The following RPGRIP1 variants were observed in gnomAD, a reference collection of about 807,000 sequenced individuals.
RPGRIP1 encodes RPGR interacting protein 1.
RPGRIP1 carries 128 observed loss-of-function variants against 157.9 expected under a neutral mutation model. The ratio of observed to expected loss-of-function variants is 0.81; its 90% CI spans 0.70 to 0.94. The LOEUF (loss-of-function observed/expected upper bound fraction) is 0.94, where lower values mean the gene tolerates loss of function less well. RPGRIP1 is among the 40% of genes least tolerant of loss of function. The probability of loss-of-function intolerance (pLI) is 0.00; values close to 1 mark genes in which losing one functional copy is unlikely to be tolerated. For missense variants in RPGRIP1, 1,486 were observed against 1,545.8 expected (o/e 0.96, Z 0.65); for synonymous variants, 554 against 571.6 (o/e 0.97, Z 0.44).
chr14:21,339,544 A>G (rs1246262409), intron 21 of RPGRIP1, among the ~76,000 whole-genome samples: 2 of 152,162 alleles, frequency 1.3e-5, no homozygotes, highest in Non-Finnish European at 2.9e-5. Flanking sequence ...TAATGTTATG[A>G]AACATGTATT....
intron 16 of RPGRIP1, 95 bp from the exon 17 acceptor site, chr14:21,325,736 C>G: frequency 1.1e-6 from 1 of 922,646 alleles, no homozygotes; most frequent in Non-Finnish European, 1.6e-6. Context: ...TAGCTGTTCT[C>G]TAGATCATAG....
intron 10 of RPGRIP1, among the ~76,000 whole-genome samples, chr14:21,313,291 T>C (rs1881616443): frequency 6.7e-6 from 1 of 149,316 alleles, no homozygotes; most frequent in Non-Finnish European, 1.5e-5. Context: ...AACTTGCGCC[T>C]AGAAGTTCGA....
chr14:21,304,600 C>T (rs1411170836), intron 6 of RPGRIP1, among the ~76,000 whole-genome samples: 1 of 151,952 alleles, frequency 6.6e-6, no homozygotes, highest in Non-Finnish European at 1.5e-5. Context: ...ATTTTTCAGA[C>T]AAGTTTTAGT....
chr14:21,328,152 A>G (rs997255312), intron 18 of RPGRIP1, among the ~76,000 whole-genome samples: 2 of 151,146 alleles, frequency 1.3e-5, no homozygotes, highest in African/African-American at 4.9e-5. Flanking sequence ...CTGGGCAACA[A>G]GAGCAGAACT....
intron 1 of RPGRIP1, among the ~76,000 whole-genome samples, chr14:21,283,802 G>A (rs527671367): frequency 2.0e-5 from 3 of 151,740 alleles, no homozygotes; most frequent in South Asian, 2.1e-4. Context: ...GATTACAGGC[G>A]CCTGTCACCA....
chr14:21,307,249 T>C (rs1361159903), intron 6 of RPGRIP1, among the ~76,000 whole-genome samples: 1 of 152,152 alleles, frequency 6.6e-6, no homozygotes, highest in Non-Finnish European at 1.5e-5. Context: ...AGACAAGGTT[T>C]TGCCATGTTG....
intron 3 of RPGRIP1, among the ~76,000 whole-genome samples, chr14:21,296,761 C>T (rs951978047): frequency 6.6e-6 from 1 of 151,690 alleles, no homozygotes; most frequent in Non-Finnish European, 1.5e-5. Context: ...TCAAGACCAG[C>T]CTGACCAACA....
chr14:21,350,391 A>AAC lies in RPGRIP1; in HGVS notation c.3749-712_3749-711insCA, dbSNP rs1555307773. On this transcript the variant is annotated intron_variant, in intron 24 of 24. Coordinates refer to ENST00000400017, the MANE Select transcript of RPGRIP1 (RefSeq NM_020366.4). ...ACTCTGTCTCCAAAAAAAAAAAAAA[A>AAC]AAAAAGAAAACAGGAATTAAGAGTA... 2.3e-3 allele frequency among the ~76,000 whole-genome samples: 335 copies of AAC among 142,774 alleles called. 11 individuals are homozygous for AAC. Among genetic ancestry groups the AAC allele is most frequent in the African/African-American group, 7.5e-3 (284 of 37,984 alleles). The allele number at this position is 142,774 out of a possible 152,430, so 93.7% of individuals were successfully genotyped here.
chr14:21,349,286 T>A (rs1407422825), intron 24 of RPGRIP1, among the ~76,000 whole-genome samples: 1 of 151,626 alleles, frequency 6.6e-6, no homozygotes, highest in Non-Finnish European at 1.5e-5. Flanking sequence ...CCCAGGCTGG[T>A]CTCGAACTCT....
chr14:21,347,814 G>A (rs541977612), intron 23 of RPGRIP1, among the ~76,000 whole-genome samples: 97 of 152,148 alleles, frequency 6.4e-4, no homozygotes, highest in African/African-American at 2.1e-3. Flanking sequence ...CTGCATCCTC[G>A]ACCTCCTGGG....
chr14:21,338,342 A>T (rs184241665), intron 21 of RPGRIP1, among the ~76,000 whole-genome samples: 66 of 152,234 alleles, frequency 4.3e-4, no homozygotes, highest in South Asian at 1.9e-3. Flanking sequence ...TTATCGTGTC[A>T]ATTTCAGGTG....
rs1422091602 is a variant in RPGRIP1, at chr14:21,347,419, G to C, written c.3618-753G>C. Among the ~76,000 whole-genome samples the C allele has an allele frequency of 1.3e-5, 2 of 152,154 alleles. 1 individual carries two copies. The highest frequency in any genetic ancestry group is 2.9e-5 in the Non-Finnish European group (2 of 68,034). ...ATGAGGGAGTCAGCATTATCACTTC[G>C]CATTGTTGAAGTTCTCAATAATGAC... On this transcript the variant is annotated intron_variant, in intron 23 of 24. Coordinates refer to ENST00000400017, the MANE Select transcript of RPGRIP1 (RefSeq NM_020366.4).
chr14:21,291,048 T>C lies in RPGRIP1; in HGVS notation c.85+2987T>C, dbSNP rs114505960. On this transcript the variant is annotated intron_variant, in intron 2 of 24. Coordinates refer to ENST00000400017, the MANE Select transcript of RPGRIP1 (RefSeq NM_020366.4). ...TTTCTCGTTATGGTTTTGATTTGCA[T>C]TTCTCTGATGAATAATCACACTGAC... Among the ~76,000 whole-genome samples the C allele has an allele frequency of 3.7e-3, 557 of 152,120 alleles. 6 individuals carry two copies. The highest frequency in any genetic ancestry group is 0.013 in the African/African-American group (528 of 41,536).
chr14:21,342,990 G>T, intron 21 of RPGRIP1, 46 bp from the exon 22 acceptor site: 2 of 1,448,086 alleles, frequency 1.4e-6, no homozygotes, highest in South Asian at 2.4e-5. Context: ...TAAGCACTTG[G>T]AGCCTCACTA....
At position 21,326,029 on chromosome 14, in the gene RPGRIP1, C is replaced by T; in HGVS notation, c.2566C>T (p.Leu856Phe). The T allele has an allele frequency of 6.2e-7, 1 of 1,613,998 alleles. No individual in the cohort carries two copies. The highest frequency in any genetic ancestry group is 2.2e-5 in the East Asian group (1 of 44,880). Residue 856 changes from leucine to phenylalanine, a missense_variant, in exon 17 of 25, where the codon CTT becomes TTT. Leu to Phe is a conservative substitution (Grantham distance 22, BLOSUM62 0). Coordinates refer to ENST00000400017, the MANE Select transcript of RPGRIP1 (RefSeq NM_020366.4). ...TAGAGACCAGGCTCGATTCCCAGTG[C>T]TTGTGACCTCTGACCTGGACCATTA... is the stretch of plus-strand genomic sequence containing the variant. ...YFRDQARFPV[L>F]VTSDLDHYLR...
In RPGRIP1 at chr14:21,317,730, C is replaced by T. The variant is rs375942030; in HGVS notation, c.1186C>T (p.His396Tyr). The change falls in exon 11 of 25, where the codon CAC (histidine) becomes TAC (tyrosine). Residue 396 changes from histidine (H) to tyrosine (Y), a missense_variant. Physicochemically the swap from His to Tyr is moderately conservative, Grantham distance 83 (BLOSUM62 2). Transcript: ENST00000400017. Reference sequence around the variant, plus strand: ...CAGCAGTGACAGCTCCAGTCAGCCCCACTGGAGCAACGAGCTCATAGCGGA... The same window carrying T: ...CAGCAGTGACAGCTCCAGTCAGCCCTACTGGAGCAACGAGCTCATAGCGGA... ...LDSSDSSSQPHWSNELIAEQL... is the reference protein window; with the variant it reads ...LDSSDSSSQPYWSNELIAEQL... 5.7e-6 allele frequency: 9 copies of T among 1,588,966 alleles called. No homozygotes were observed. The highest frequency in any genetic ancestry group is 5.4e-5 in the African/African-American group (4 of 74,444).
chr14:21,316,788 T>A (rs1881834588), intron 10 of RPGRIP1, among the ~76,000 whole-genome samples: 1 of 152,208 alleles, frequency 6.6e-6, no homozygotes, highest in South Asian at 2.1e-4. Context: ...AATAATTGTT[T>A]GATTATTAGT....
At chr14:21,280,241 CTTTTTTTTTTT>C (rs35642254) in intron 1 of RPGRIP1, among the ~76,000 whole-genome samples, 82 bp downstream of exon 1, 35 of 109,360 alleles carry the variant, frequency 3.2e-4, no homozygotes, top group African/African-American at 1.1e-3. Flanking sequence ...TAAGTTTATT[CTTTTTTTTTTT>C]TTTTTTTTTG....
rs200672151 is a variant in RPGRIP1 at position 21,282,754 on chromosome 14, C to T, written c.-39+2595C>T. On this transcript the variant is annotated intron_variant, in intron 1 of 24. Coordinates refer to ENST00000400017, the MANE Select transcript of RPGRIP1 (RefSeq NM_020366.4). The stretch of plus-strand genomic sequence containing the variant: ...CCTCCCCAGTAGCTGGGACTACAGG[C>T]GCGTGCCACCACACCCGGCTAATTT... Among the ~76,000 whole-genome samples the T allele has an allele frequency of 8.6e-5, 13 of 152,016 alleles. No homozygotes were observed. The East Asian group carries it at 1.6e-3, about 18-fold the overall frequency.
Sources: gnomAD v4.1 joint callset for allele counts (sites outside exome capture counted in the v4.1 genomes callset) on GRCh38, gnomAD v4.1.1 for gene constraint, MANE v1.5 for transcripts, NCBI Gene and HGNC (gene_info 2026-07-23, HGNC 2026-07-21) for gene names.